Variants in CEP63 observed in about 807,000 individuals in gnomAD.
CEP63 encodes centrosomal protein 63, also known as centrosomal protein of 63 kDa.
In CEP63, 84 loss-of-function variants were observed where a neutral mutation model predicts 89.1. That is an observed-to-expected ratio of 0.94 (90% CI 0.79 to 1.13). CEP63 has a LOEUF of 1.13. Among genes scored for constraint, CEP63 ranks in the 50% most tolerant of loss-of-function variants. The probability of loss-of-function intolerance (pLI) is 0.00; values close to 1 mark genes in which losing one functional copy is unlikely to be tolerated. For missense variants in CEP63, 838 were observed against 813.3 expected, an observed-to-expected ratio of 1.03 and a Z score of -0.37; for synonymous variants, 267 against 272.5, an observed-to-expected ratio of 0.98 and a Z score of 0.20.
At chr3:134,741,439 G>C in the CEP63 span, among the ~76,000 whole-genome samples, 16 of 152,032 alleles carry the variant, frequency 1.1e-4, no homozygotes, top group African/African-American at 3.1e-4. Flanking sequence ...GTCCTCCCCC[G>C]GTCAGTCTCC....
downstream of CEP63, among the ~76,000 whole-genome samples, chr3:134,566,003 T>C (rs1267261194): frequency 1.3e-5 from 2 of 152,302 alleles, no homozygotes; most frequent in South Asian, 2.1e-4. Context: ...ACAAACATGA[T>C]TGCGTAAAGC....
the CEP63 span, chr3:134,780,619 C>T: frequency 2.0e-5 from 3 of 152,184 alleles, no homozygotes; most frequent in Admixed American, 6.5e-5. Flanking sequence ...GTGCTATCAA[C>T]GCGAGCACTT....
At chr3:134,681,709 C>A in the CEP63 span, among the ~76,000 whole-genome samples, 1 of 152,198 alleles carries the variant, frequency 6.6e-6, no homozygotes, top group African/African-American at 2.4e-5. Context: ...CAGCTCCTAA[C>A]ACAGAAACAC....
chr3:134,668,280 A>G, the CEP63 span, among the ~76,000 whole-genome samples: 1 of 152,236 alleles, frequency 6.6e-6, no homozygotes, highest in Admixed American at 6.5e-5. Flanking sequence ...TGTAAACCCA[A>G]GTCTGCACTT....
chr3:134,522,522 G>C (rs1007673112), intron 3 of CEP63, among the ~76,000 whole-genome samples: 2 of 152,020 alleles, frequency 1.3e-5, no homozygotes, highest in Non-Finnish European at 2.9e-5. Flanking sequence ...TGTTATATAG[G>C]TAAACTTGTG....
At chr3:134,678,055 T>G in the CEP63 span, among the ~76,000 whole-genome samples, 1 of 152,024 alleles carries the variant, frequency 6.6e-6, no homozygotes, top group Non-Finnish European at 1.5e-5. Flanking sequence ...GGGGTTCAAG[T>G]GCAAGCCTTT....
At chr3:134,777,325 G>A in the CEP63 span, among the ~76,000 whole-genome samples, 6 of 152,098 alleles carry the variant, frequency 3.9e-5, no homozygotes, top group Non-Finnish European at 8.8e-5. Context: ...TGAAAAGCAG[G>A]ATAAATTGGC....
the CEP63 span, among the ~76,000 whole-genome samples, chr3:134,702,379 G>T: frequency 6.6e-6 from 1 of 150,650 alleles, no homozygotes; most frequent in Non-Finnish European, 1.5e-5. Flanking sequence ...TGAAATTTAT[G>T]TGGAACCAAA....
chr3:134,535,283 C>T (rs1950552425), intron 5 of CEP63: 1 of 152,258 alleles, frequency 6.6e-6, no homozygotes, highest in Admixed American at 6.6e-5. Flanking sequence ...ATAGAGGTCA[C>T]CAGTGACTTC....
the CEP63 span, among the ~76,000 whole-genome samples, chr3:134,654,089 C>T: frequency 5.9e-5 from 9 of 152,290 alleles, no homozygotes; most frequent in South Asian, 1.0e-3. Context: ...TGTATTGTCA[C>T]CTTTGTCAAA....
the CEP63 span, among the ~76,000 whole-genome samples, chr3:134,670,661 G>C: frequency 6.6e-6 from 1 of 152,232 alleles, no homozygotes; most frequent in Admixed American, 6.5e-5. Flanking sequence ...TAATTTTGGA[G>C]AGCTATTTGG....
the CEP63 span, among the ~76,000 whole-genome samples, chr3:134,654,461 C>T: frequency 4.0e-3 from 611 of 152,228 alleles, 6 homozygotes; most frequent in African/African-American, 0.012. Flanking sequence ...CCATTGATGA[C>T]GTGGGGAAGA....
chr3:134,684,319 C>T, the CEP63 span, among the ~76,000 whole-genome samples: 2 of 152,166 alleles, frequency 1.3e-5, no homozygotes, highest in African/African-American at 4.8e-5. Flanking sequence ...ATCATGCCGC[C>T]CAGATAAAGT....
At chr3:134,584,484 G>A (rs1958435446) in intron 10 of CEP63, among the ~76,000 whole-genome samples, 1 of 152,162 alleles carries the variant, frequency 6.6e-6, no homozygotes, top group South Asian at 2.1e-4. Context: ...TACATTTGTT[G>A]ATTTGCATAT....
At chr3:134,764,605 G>A in the CEP63 span, among the ~76,000 whole-genome samples, 1 of 152,158 alleles carries the variant, frequency 6.6e-6, no homozygotes, top group Non-Finnish European at 1.5e-5. Flanking sequence ...GACCCTGCCG[G>A]TGAATTGACA....
At chr3:134,517,407 A>T (rs534549267) in intron 3 of CEP63, among the ~76,000 whole-genome samples, 37 of 152,370 alleles carry the variant, frequency 2.4e-4, no homozygotes, top group Non-Finnish European at 4.3e-4. Context: ...CATTTTTCTT[A>T]GTAACTGATG....
the CEP63 span, among the ~76,000 whole-genome samples, chr3:134,633,758 A>T: frequency 1.3e-5 from 2 of 152,170 alleles, no homozygotes. Context: ...ACCCTGTGTA[A>T]TAAGACAAGA....
the CEP63 span, among the ~76,000 whole-genome samples, chr3:134,652,453 C>T: frequency 6.7e-6 from 1 of 149,600 alleles, no homozygotes; most frequent in Non-Finnish European, 1.5e-5. Flanking sequence ...CGCCCCCCCC[C>T]ACCACCCCAC....
At chr3:134,751,723 A>G in the CEP63 span, among the ~76,000 whole-genome samples, 1 of 152,218 alleles carries the variant, frequency 6.6e-6, no homozygotes, top group Non-Finnish European at 1.5e-5. Flanking sequence ...TCTGGGCTAG[A>G]GACCGAAGTG....
Sources: gnomAD v4.1 joint callset for allele counts (sites outside exome capture counted in the v4.1 genomes callset) on GRCh38, gnomAD v4.1.1 for gene constraint, MANE v1.5 for transcripts, NCBI Gene and HGNC (gene_info 2026-07-23, HGNC 2026-07-21) for gene names.